Variants in SHC4 observed in about 807,000 individuals in gnomAD.
SHC4 encodes SHC adaptor protein 4, also known as SHC-transforming protein 4.
Under a neutral mutation model 69.4 loss-of-function variants are expected in SHC4, and 41 were observed. The ratio of observed to expected loss-of-function variants is 0.59; its 90% CI spans 0.46 to 0.77. The LOEUF is 0.77. Ranked by LOEUF, SHC4 falls within the 30% of genes least tolerant of loss-of-function variation. The probability of loss-of-function intolerance (pLI) is 0.00; values close to 1 mark genes in which losing one functional copy is unlikely to be tolerated. For missense variants in SHC4, 777 were observed against 783.8 expected (o/e 0.99, Z 0.10); for synonymous variants, 318 against 299.3 (o/e 1.06, Z -0.64).
At chr15:48,950,097 T>C (rs918075810) in intron 1 of SHC4, among the ~76,000 whole-genome samples, 1 of 143,686 alleles carries the variant, frequency 7.0e-6, no homozygotes, top group South Asian at 2.1e-4. Context: ...ATTTTTATAA[T>C]ATAGTAAATA....
intron 9 of SHC4, among the ~76,000 whole-genome samples, chr15:48,846,937 A>T (rs1053053577): frequency 6.6e-6 from 1 of 151,978 alleles, no homozygotes; most frequent in Non-Finnish European, 1.5e-5. Context: ...ATCGGTGTTT[A>T]TATCTAGCCT....
At chr15:48,920,977 AAGGAGG>A (rs902042262) in intron 2 of SHC4, among the ~76,000 whole-genome samples, 7 of 151,522 alleles carry the variant, frequency 4.6e-5, no homozygotes, top group African/African-American at 1.7e-4. Flanking sequence ...GAAGAAGGAG[AAGGAGG>A]AGGAGGAGGA....
intron 5 of SHC4, among the ~76,000 whole-genome samples, chr15:48,871,673 G>C (rs962165619): frequency 2.6e-5 from 4 of 152,130 alleles, no homozygotes; most frequent in African/African-American, 9.7e-5. Flanking sequence ...TAGTTGACTT[G>C]GTTGATATAT....
chr15:48,933,718 C>T (rs1254491216), intron 1 of SHC4, among the ~76,000 whole-genome samples: 1 of 152,118 alleles, frequency 6.6e-6, no homozygotes, highest in Non-Finnish European at 1.5e-5. Flanking sequence ...CTCAGCTACA[C>T]AATCAAGATA....
rs578183068 is a variant in SHC4 at position 48,837,280 on chromosome 15, TA to T, written c.1484-2259del. 2.7e-3 allele frequency among the ~76,000 whole-genome samples: 417 copies of T among 152,344 alleles called. 2 individuals are homozygous for T. The highest frequency in any genetic ancestry group is 9.7e-3 in the African/African-American group (405 of 41,576). ...TTCCCAAATTAGCAGAAGGACAAGATACTCCGCTGGGAGATTTCAATCATCC... is the reference window on the plus strand; with the variant it reads ...TTCCCAAATTAGCAGAAGGACAAGATCTCCGCTGGGAGATTTCAATCATCC... On this transcript the variant is annotated intron_variant, in intron 10 of 11. Transcript: ENST00000332408.
At chr15:48,871,950 C>A in intron 5 of SHC4, 139 bp downstream of exon 5, 1 of 598,574 alleles carries the variant, frequency 1.7e-6, no homozygotes, top group Non-Finnish European at 3.0e-6. Flanking sequence ...TATTCACAGA[C>A]TGTAATAGTA....
intron 2 of SHC4, among the ~76,000 whole-genome samples, chr15:48,916,382 A>G (rs938622961): frequency 6.6e-6 from 1 of 152,022 alleles, no homozygotes; most frequent in Admixed American, 6.6e-5. Flanking sequence ...TTGAAGCCCA[A>G]TAATAAAAAT....
intron 5 of SHC4, among the ~76,000 whole-genome samples, chr15:48,870,692 C>T (rs1899655171): frequency 6.6e-6 from 1 of 151,014 alleles, no homozygotes; most frequent in Non-Finnish European, 1.5e-5. Flanking sequence ...AAAAAAAAAG[C>T]ATGTCTTGGT....
intron 4 of SHC4, among the ~76,000 whole-genome samples, chr15:48,872,565 G>A (rs989425197): frequency 1.3e-5 from 2 of 152,214 alleles, no homozygotes; most frequent in African/African-American, 4.8e-5. Flanking sequence ...CTTTTCTTCT[G>A]ATGAAAATCG....
intron 1 of SHC4, among the ~76,000 whole-genome samples, chr15:48,949,836 A>G (rs990946149): frequency 6.8e-5 from 10 of 146,270 alleles, no homozygotes; most frequent in Non-Finnish European, 1.0e-4. Flanking sequence ...TATATAAATT[A>G]TGTAATATTT....
At chr15:48,830,396 A>G (rs779455563) in intron 11 of SHC4, among the ~76,000 whole-genome samples, 1 of 152,242 alleles carries the variant, frequency 6.6e-6, no homozygotes, top group Non-Finnish European at 1.5e-5. Context: ...AACATATTTT[A>G]TAGTTACATA....
chr15:48,836,023 C>CAAAAAAAAAAAAAA (rs57343981), intron 10 of SHC4, among the ~76,000 whole-genome samples: 8 of 60,110 alleles, frequency 1.3e-4, no homozygotes, highest in Admixed American at 4.5e-4. Context: ...ACAAAAAATC[C>CAAAAAAAAAAAAAA]AAAAAAAAAA....
chr15:48,839,919 A>G (rs144898912), intron 10 of SHC4, among the ~76,000 whole-genome samples: 2 of 152,346 alleles, frequency 1.3e-5, no homozygotes, highest in East Asian at 1.9e-4. Flanking sequence ...CTGGGCACCC[A>G]GCTAGAGTAA....
chr15:48,878,622 T>C (rs765358173), intron 4 of SHC4: 2 of 1,614,066 alleles, frequency 1.2e-6, no homozygotes, highest in South Asian at 2.2e-5. Context: ...GGGTTTCAGA[T>C]GCATTATGAG....
intron 1 of SHC4, among the ~76,000 whole-genome samples, chr15:48,929,448 A>G (rs1343990124): frequency 6.6e-6 from 1 of 152,168 alleles, no homozygotes; most frequent in Non-Finnish European, 1.5e-5. Context: ...AACTTTATTT[A>G]AGAGATGAGG....
chr15:48,831,047 TAAAAGTAA>T (rs1883758876), intron 11 of SHC4, among the ~76,000 whole-genome samples: 1 of 151,946 alleles, frequency 6.6e-6, no homozygotes, highest in African/African-American at 2.4e-5. Context: ...CAAAAAAGTT[TAAAAGTAA>T]AAAATAGAAA....
intron 4 of SHC4, among the ~76,000 whole-genome samples, chr15:48,873,664 C>T (rs1899738568): frequency 1.3e-5 from 2 of 152,182 alleles, no homozygotes; most frequent in Admixed American, 1.3e-4. Context: ...TGGTGTGAAC[C>T]CGGGAGGCGG....
In SHC4 at chr15:48,823,834, G is replaced by C. The variant is rs1478786855; in HGVS notation, c.*2137C>G. On this transcript the variant is annotated 3_prime_UTR_variant, in exon 12 of 12. Transcript: ENST00000332408. ...ACTTTAAGACAGATAAAGAATGTGA[G>C]ATTAAAATAGCATGCAGACATTCCT... The C allele has an allele frequency of 6.6e-6, 1 of 152,244 alleles. No homozygotes were observed. The highest frequency in any genetic ancestry group is 1.9e-4 in the East Asian group (1 of 5,204). The allele number at this position is 152,244 out of a possible 1,614,324, so 9.4% of individuals were successfully genotyped here. A position where few individuals can be genotyped will look rare whatever the true frequency, so the allele number is the denominator to read the frequency against.
intron 9 of SHC4, among the ~76,000 whole-genome samples, chr15:48,849,800 A>G (rs765119635): frequency 1.3e-5 from 2 of 152,218 alleles, no homozygotes; most frequent in Non-Finnish European, 2.9e-5. Flanking sequence ...CATTAATTTA[A>G]TTTGTTTAGT....
Sources: allele counts gnomAD v4.1 joint callset (sites outside exome capture counted in the v4.1 genomes callset), GRCh38; gene constraint gnomAD v4.1.1; transcripts MANE v1.5; gene names NCBI Gene and HGNC (gene_info 2026-07-23, HGNC 2026-07-21).